ZNF559: variants seen among roughly 807,000 people sequenced by gnomAD.
ZNF559 encodes the protein zinc finger protein 559.
Under a neutral mutation model 14.2 loss-of-function variants are expected in ZNF559, and 17 were observed. The ratio of observed to expected loss-of-function variants is 1.20; its 90% CI spans 0.82 to 1.80. ZNF559 has a LOEUF of 1.80. Among genes scored for constraint, ZNF559 ranks in the 40% most tolerant of loss-of-function variants. The pLI is 0.00. For synonymous variants in ZNF559, 244 were observed against 212.4 expected (o/e 1.15, Z -1.29); for missense variants, 740 against 629.7 (o/e 1.18, Z -1.88).
intron 1 of ZNF559, 65 bp from the exon 2 acceptor site, chr19:9,324,628 CCA>C (rs1491132947): frequency 0.06 from 52,283 of 873,164 alleles, 277 homozygotes; most frequent in Middle Eastern, 0.065. Flanking sequence ...ACCCCCCCCC[CCA>C]ACCATCTCTA....
chr19:9,328,085 TAA>T lies in ZNF559; in HGVS notation c.-120+3306_-120+3307del, dbSNP rs529238318. ...TATACTCATATTCCTATTACAAACT[TAA>T]GAGGTTTTTTGTTTTTCCTTATGTT... On this transcript the variant is annotated intron_variant, in intron 2 of 6. Coordinates refer to ENST00000603380, the MANE Select transcript of ZNF559 (RefSeq NM_032497.3). Among the ~76,000 whole-genome samples the T allele has an allele frequency of 1.8e-3, 274 of 152,290 alleles. 1 individual carries two copies. The highest frequency in any genetic ancestry group is 6.8e-3 in the Middle Eastern group (2 of 294).
At position 9,342,978 on chromosome 19, in the gene ZNF559, T is replaced by C; in HGVS notation, c.1527T>C (p.Ile509=). 1 of 1,614,254 alleles carries C rather than the reference T, an allele frequency of 6.2e-7. No individual in the cohort carries two copies. Among genetic ancestry groups the C allele is most frequent in the Non-Finnish European group, 8.5e-7 (1 of 1,180,046 alleles). The change falls in exon 7 of 7, where the codon ATT becomes ATC. Residue 509 remains isoleucine (I), a synonymous_variant. Coordinates refer to ENST00000603380, the MANE Select transcript of ZNF559 (RefSeq NM_032497.3). The part of the protein sequence containing the change: ...GKAFTRSTYL[I]RHLRSHSVEK... Reference sequence around the variant, plus strand: ...CCTTTACTCGGTCCACATATCTTATTCGACATCTAAGAAGTCATAGTGTGG... The same window carrying C: ...CCTTTACTCGGTCCACATATCTTATCCGACATCTAAGAAGTCATAGTGTGG...
At chr19:9,333,842 C>T (rs1307759011) in intron 2 of ZNF559, among the ~76,000 whole-genome samples, 1 of 151,780 alleles carries the variant, frequency 6.6e-6, no homozygotes, top group East Asian at 1.9e-4. Flanking sequence ...AATTAAGAGG[C>T]TTGAGCAGGC....
chr19:9,344,683 C>T lies in ZNF559; in HGVS notation c.*1615C>T, dbSNP rs575884045. The T allele has an allele frequency of 6.6e-6, 1 of 152,034 alleles. No homozygotes were observed. Among genetic ancestry groups the T allele is most frequent in the African/African-American group, 2.4e-5 (1 of 41,474 alleles). 9.4% of individuals were successfully genotyped at this position (152,034 alleles called of 1,614,324 possible). A position where few individuals can be genotyped will look rare whatever the true frequency, so the allele number is the denominator to read the frequency against. ...AGAAAATTGACGCCAGCAAAGAAAA[C>T]CAAATAAATTATTTAAGTTTGCCTT... On this transcript the variant is annotated 3_prime_UTR_variant, in exon 7 of 7. Transcript: ENST00000603380.
Position 9,341,896 on chromosome 19 carries a change from T to A in ZNF559, c.445T>A (p.Cys149Ser). 6.2e-7 allele frequency: 1 copy of A among 1,611,976 alleles called. No homozygotes were observed. Among genetic ancestry groups the A allele is most frequent in the East Asian group, 2.2e-5 (1 of 44,856 alleles). The change falls in exon 7 of 7, where the codon TGT becomes AGT. Residue 149 changes from cysteine (C) to serine (S), a missense_variant. Physicochemically the swap from Cys to Ser is moderately radical, Grantham distance 112. Transcript: ENST00000603380. ...TGATATCGGAGAGGAACTTCCTAAC[T>A]GTAATCAATGTGAAACAGCCTTCAG... Reference protein sequence around the residue: ...KTDIGEELPNCNQCETAFSQH... With the variant: ...KTDIGEELPNSNQCETAFSQH...
chr19:9,324,073 C>T (rs950064245), upstream of ZNF559: 4 of 1,345,858 alleles, frequency 3.0e-6, no homozygotes, highest in Admixed American at 8.2e-5. Flanking sequence ...TTCCTCTCAG[C>T]TCTGGGTTGG....
chr19:9,343,755 C>G lies in ZNF559; in HGVS notation c.*687C>G, dbSNP rs1284269848. ...ATTAATTTACATGCAAAAAGTCACACTAGAGGAATGCCATATCAGAATGCT... is the reference window on the plus strand; with the variant it reads ...ATTAATTTACATGCAAAAAGTCACAGTAGAGGAATGCCATATCAGAATGCT... On this transcript the variant is annotated 3_prime_UTR_variant, in exon 7 of 7. Transcript: ENST00000603380. 1 of 985,850 alleles carries G rather than the reference C, an allele frequency of 1.0e-6. No individual in the cohort carries two copies. The highest frequency in any genetic ancestry group is 1.7e-5 in the African/African-American group (1 of 57,346). 61.1% of individuals were successfully genotyped at this position (985,850 alleles called of 1,614,324 possible). A position where few individuals can be genotyped will look rare whatever the true frequency, so the allele number is the denominator to read the frequency against.
chr19:9,342,339 C>G lies in ZNF559; in HGVS notation c.888C>G (p.His296Gln). The G allele has an allele frequency of 6.2e-7, 1 of 1,605,630 alleles. No individual in the cohort carries two copies. Among genetic ancestry groups the G allele is most frequent in the Non-Finnish European group, 8.5e-7 (1 of 1,176,484 alleles). ...KHIRLRTRGK[H>Q]YVCNECGKEF... ...TAAGACTTAGAACTAGAGGAAAACACTATGTTTGTAATGAATGTGGCAAAG... is the reference window on the plus strand; with the variant it reads ...TAAGACTTAGAACTAGAGGAAAACAGTATGTTTGTAATGAATGTGGCAAAG... The change falls in exon 7 of 7, where the codon CAC (histidine) becomes CAG (glutamine). Residue 296 changes from histidine to glutamine, a missense_variant. His to Gln is a conservative substitution (Grantham distance 24). Coordinates refer to ENST00000603380, the MANE Select transcript of ZNF559 (RefSeq NM_032497.3).
At chr19:9,339,474 G>A (rs1366637468) in intron 5 of ZNF559, among the ~76,000 whole-genome samples, 155 bp downstream of exon 5, 2 of 152,160 alleles carry the variant, frequency 1.3e-5, no homozygotes, top group Non-Finnish European at 2.9e-5. Flanking sequence ...TGATTTTTCT[G>A]ATGAAATTGA....
rs754466732 is a variant in ZNF559 at position 9,341,165 on chromosome 19, C to T, written c.224C>T (p.Thr75Ile). The T allele has an allele frequency of 1.2e-6, 2 of 1,613,832 alleles. No homozygotes were observed. The highest frequency in any genetic ancestry group is 4.5e-5 in the East Asian group (2 of 44,852). The change falls in exon 6 of 7, where the codon ACA (threonine) becomes ATA (isoleucine). Residue 75 changes from threonine to isoleucine, a missense_variant. Thr to Ile is a moderately conservative substitution (Grantham distance 89). Coordinates refer to ENST00000603380, the MANE Select transcript of ZNF559 (RefSeq NM_032497.3). ...CAGCAGAATTTTTTGCAGGGGAAAA[C>T]ATCCAGTGTGGTGGAAATGGTAAGA... ...APQQNFLQGK[T>I]SSVVEMERNH... is the part of the protein sequence containing the mutation.
At chr19:9,331,561 TATA>T (rs1198102878) in intron 2 of ZNF559, among the ~76,000 whole-genome samples, 2 of 152,304 alleles carry the variant, frequency 1.3e-5, no homozygotes, top group African/African-American at 4.8e-5. Context: ...AAGGGCATTA[TATA>T]ATAATAAAGA....
intron 2 of ZNF559, among the ~76,000 whole-genome samples, chr19:9,329,849 A>T (rs1317581143): frequency 1.3e-5 from 2 of 152,154 alleles, no homozygotes; most frequent in Non-Finnish European, 2.9e-5. Flanking sequence ...TTTTTAGTAG[A>T]AACGGGGTTT....
chr19:9,324,631 A>G (rs886457858), intron 1 of ZNF559, 64 bp from the exon 2 acceptor site: 29 of 814,472 alleles, frequency 3.6e-5, no homozygotes, highest in African/African-American at 3.2e-4. Flanking sequence ...CCCCCCCCCA[A>G]CCATCTCTAA....
In ZNF559 at chr19:9,345,204, CA is replaced by C. The variant is rs1053436613; in HGVS notation, c.*2138del. ...TAGTATTCCATTGCAAGGCATACCA[CA>C]AGCTATTTATCCATGTGTTATTTCT... On this transcript the variant is annotated 3_prime_UTR_variant, in exon 7 of 7. Transcript: ENST00000603380. The C allele has an allele frequency of 1.3e-5, 2 of 152,224 alleles. No homozygotes were observed. The highest frequency in any genetic ancestry group is 4.8e-5 in the African/African-American group (2 of 41,450). The allele number at this position is 152,224 out of a possible 1,614,324, so 9.4% of individuals were successfully genotyped here.
At chr19:9,340,405 T>C (rs540431321) in intron 5 of ZNF559, among the ~76,000 whole-genome samples, 33 of 152,240 alleles carry the variant, frequency 2.2e-4, no homozygotes, top group African/African-American at 7.7e-4. Context: ...TTTCTTTTGC[T>C]CTGACATTAA....
intron 2 of ZNF559, among the ~76,000 whole-genome samples, chr19:9,328,559 G>C (rs2066764248): frequency 6.6e-6 from 1 of 151,560 alleles, no homozygotes; most frequent in Non-Finnish European, 1.5e-5. Flanking sequence ...CATCATGTTG[G>C]CTAGGCTGGT....
Position 9,324,234 on chromosome 19 carries a change from T to G in ZNF559, c.-206+6T>G. ...CGTTCCCGTTGGCGTCTGAGGTAAG[T>G]TTTTGTTTCTGGGCGGCGTTCGGTG... On this transcript the variant is annotated splice_donor_region_variant and intron_variant, in intron 1 of 6. Coordinates refer to ENST00000603380, the MANE Select transcript of ZNF559 (RefSeq NM_032497.3). The G allele has an allele frequency of 1.3e-6, 2 of 1,536,006 alleles. No homozygotes were observed. The highest frequency in any genetic ancestry group is 2.0e-5 in the Admixed American group (1 of 50,994).
In ZNF559 at chr19:9,324,851, A is replaced by G. The variant is rs1438476045; in HGVS notation, c.-120+71A>G. 3.0e-6 allele frequency: 4 copies of G among 1,342,406 alleles called. No individual in the cohort carries two copies. In the East Asian group the frequency reaches 1.0e-4, roughly 34 times the overall value. 83.2% of individuals were successfully genotyped at this position (1,342,406 alleles called of 1,614,324 possible). The stretch of plus-strand genomic sequence containing the variant: ...AAGTTTAAGTTGTGTCGAGGTGGAA[A>G]GAAACCTTTTCAGGTGGTTGTTCGA... On this transcript the variant is annotated intron_variant, in intron 2 of 6. Transcript: ENST00000603380.
intron 2 of ZNF559, chr19:9,333,208 C>A (rs969878943): frequency 6.6e-6 from 1 of 152,164 alleles, no homozygotes; most frequent in South Asian, 2.1e-4. Flanking sequence ...AATCTACCTA[C>A]CTCAGCATGC....
Sources: allele counts gnomAD v4.1 joint callset (sites outside exome capture counted in the v4.1 genomes callset), GRCh38; gene constraint gnomAD v4.1.1; transcripts MANE v1.5; gene names NCBI Gene and HGNC (gene_info 2026-07-23, HGNC 2026-07-21).